Variants in ZNF682 observed in about 807,000 individuals in gnomAD.
ZNF682 encodes zinc finger protein 682.
In ZNF682, 29 loss-of-function variants were observed where a neutral mutation model predicts 36.5. That is an observed-to-expected ratio of 0.80 (90% confidence interval 0.59 to 1.08). The LOEUF is 1.08. Ranked by LOEUF, ZNF682 falls within the 50% of genes least tolerant of loss-of-function variation. The pLI is 0.00. For synonymous variants in ZNF682, 180 were observed against 197.0 expected (o/e 0.91, Z 0.72); for missense variants, 561 against 579.7 (o/e 0.97, Z 0.33).
intron 3 of ZNF682, among the ~76,000 whole-genome samples, chr19:20,018,137 A>C (rs953464708): frequency 3.7e-5 from 4 of 108,652 alleles, no homozygotes; most frequent in African/African-American, 1.4e-4. Flanking sequence ...TCTGTCGCCC[A>C]GGCTGGAGTG....
chr19:20,018,275 A>G (rs1045225886), intron 3 of ZNF682, among the ~76,000 whole-genome samples: 1 of 150,704 alleles, frequency 6.6e-6, no homozygotes, highest in African/African-American at 2.4e-5. Context: ...TTGTATTTTT[A>G]GTAGAGACGG....
chr19:19,997,101 T>C, exon 4 of ZNF682: 1 of 394,546 alleles, frequency 2.5e-6, no homozygotes, highest in Non-Finnish European at 4.4e-6. Context: ...GTGGCAGCTC[T>C]GCTATAAGCC....
intron 1 of ZNF682, among the ~76,000 whole-genome samples, chr19:20,026,253 A>C (rs2088430311): frequency 6.6e-6 from 1 of 151,682 alleles, no homozygotes; most frequent in Non-Finnish European, 1.5e-5. Flanking sequence ...CAGTGAGCCG[A>C]GATCGCGCCA....
intron 1 of ZNF682, among the ~76,000 whole-genome samples, chr19:20,026,984 C>T (rs911990720): frequency 6.6e-6 from 1 of 152,096 alleles, no homozygotes; most frequent in Admixed American, 6.6e-5. Flanking sequence ...GTAGGAACAT[C>T]AGAAGTAGAG....
At position 20,006,706 on chromosome 19, in the gene ZNF682, A is replaced by G; in HGVS notation, c.796T>C (p.Phe266Leu). 4 of 1,613,930 alleles carry G rather than the reference A, an allele frequency of 2.5e-6. No individual in the cohort carries two copies. Among genetic ancestry groups the G allele is most frequent in the Non-Finnish European group, 3.4e-6 (4 of 1,179,972 alleles). The stretch of plus-strand genomic sequence containing the variant: ...CTAACAAAGGGTGAACACCAGTGAA[A>G]GGCTTTTCCACATTCTTCACATTTG... ...PYKCEECGKA[F>L]HWCSPFVRHK... The change falls in exon 4 of 4, where the codon TTT becomes CTT. Residue 266 changes from phenylalanine (F) to leucine (L), a missense_variant. Transcript: ENST00000397165.
intron 1 of ZNF682, among the ~76,000 whole-genome samples, chr19:20,029,383 C>T (rs934081256): frequency 4.0e-5 from 6 of 150,692 alleles, no homozygotes; most frequent in Non-Finnish European, 8.9e-5. Flanking sequence ...GGTGGATCAC[C>T]TGAGGTCAGG....
At chr19:20,019,500 C>T (rs961225229) in intron 3 of ZNF682, among the ~76,000 whole-genome samples, 1 of 152,016 alleles carries the variant, frequency 6.6e-6, no homozygotes, top group Non-Finnish European at 1.5e-5. Context: ...TGAAAATTTT[C>T]TGCACAGCAA....
chr19:20,028,979 ATT>A (rs10651551), intron 1 of ZNF682, among the ~76,000 whole-genome samples: 6 of 138,778 alleles, frequency 4.3e-5, no homozygotes, highest in East Asian at 2.1e-4. Context: ...TCTATCACTG[ATT>A]TTTTTTTTTT....
intron 1 of ZNF682, among the ~76,000 whole-genome samples, chr19:20,027,037 G>A (rs1364646711): frequency 3.9e-5 from 6 of 152,182 alleles, no homozygotes; most frequent in Non-Finnish European, 5.9e-5. Flanking sequence ...ATTCAAGAAC[G>A]AAAAGAGAAC....
At chr19:20,033,490 C>T (rs2088498216) in intron 1 of ZNF682, 1 of 152,240 alleles carries the variant, frequency 6.6e-6, no homozygotes, top group African/African-American at 2.4e-5. Context: ...GCCTGGAGCA[C>T]TCCTGGTTAG....
chr19:19,999,522 T>G (rs891109186), downstream of ZNF682, among the ~76,000 whole-genome samples: 1 of 152,146 alleles, frequency 6.6e-6, no homozygotes, highest in African/African-American at 2.4e-5. Context: ...CATTGCATGT[T>G]TCTTTTTCTT....
chr19:20,024,940 G>C (rs1243780097), intron 1 of ZNF682, among the ~76,000 whole-genome samples: 1 of 152,228 alleles, frequency 6.6e-6, no homozygotes, highest in Admixed American at 6.5e-5. Flanking sequence ...ACAGATTATA[G>C]AATAAGTTGT....
At chr19:20,021,089 A>G (rs1330304644) in intron 3 of ZNF682, among the ~76,000 whole-genome samples, 1 of 152,180 alleles carries the variant, frequency 6.6e-6, no homozygotes, top group East Asian at 1.9e-4. Flanking sequence ...CACGCATAAA[A>G]TACACTAACA....
In ZNF682 at chr19:20,006,585, A is replaced by C. The variant is rs989565802; in HGVS notation, c.917T>G (p.Ile306Ser). The part of the protein sequence containing the change: ...RHSHLTKHKT[I>S]HTGKKPYKCK... ...TTTGTAGGGTTTCTTTCCAGTGTGA[A>C]TTGTCTTATGTTTGGTGAGATGTGA... The change falls in exon 4 of 4, where the codon ATT (isoleucine) becomes AGT (serine). Residue 306 changes from isoleucine (I) to serine (S), a missense_variant. By Grantham distance (142) the Ile-to-Ser change is moderately radical. Transcript: ENST00000397165. The C allele has an allele frequency of 6.2e-7, 1 of 1,614,110 alleles. No homozygotes were observed. Among genetic ancestry groups the C allele is most frequent in the Admixed American group, 1.7e-5 (1 of 60,018 alleles).
At chr19:20,033,600 TA>T (rs1176500613) in intron 1 of ZNF682, 1 of 152,508 alleles carries the variant, frequency 6.6e-6, no homozygotes, top group African/African-American at 2.4e-5. Context: ...TCACCCAGGC[TA>T]AAGTGCAGTG....
chr19:20,012,916 G>A (rs945069472), intron 3 of ZNF682, among the ~76,000 whole-genome samples: 2 of 151,632 alleles, frequency 1.3e-5, no homozygotes, highest in African/African-American at 2.4e-5. Flanking sequence ...GAAAAAGAAG[G>A]ACAAACAGCA....
chr19:20,008,700 CAAAG>C (rs1477028326), intron 3 of ZNF682, among the ~76,000 whole-genome samples: 1 of 152,110 alleles, frequency 6.6e-6, no homozygotes, highest in Admixed American at 6.5e-5. Flanking sequence ...CTCCTTGGAG[CAAAG>C]GAATTGGGTG....
intron 3 of ZNF682, among the ~76,000 whole-genome samples, chr19:20,020,057 A>G (rs1387569069): frequency 1.0e-4 from 8 of 78,802 alleles, no homozygotes; most frequent in Admixed American, 1.9e-4. Context: ...TAAAAAAAAA[A>G]AAAAAAGAAA....
At chr19:20,034,549 C>T (rs907775831) in intron 1 of ZNF682, among the ~76,000 whole-genome samples, 5 of 152,150 alleles carry the variant, frequency 3.3e-5, no homozygotes, top group African/African-American at 1.2e-4. Flanking sequence ...GAGACCGAGG[C>T]GGACGGATCA....
Sources: gnomAD v4.1 joint callset for allele counts (sites outside exome capture counted in the v4.1 genomes callset) on GRCh38, gnomAD v4.1.1 for gene constraint, MANE v1.5 for transcripts, NCBI Gene and HGNC (gene_info 2026-07-23, HGNC 2026-07-21) for gene names.